The following RASGEF1A variants were observed in gnomAD, a reference collection of about 807,000 sequenced individuals.
The protein encoded by RASGEF1A is ras-GEF domain-containing family member 1A.
RASGEF1A carries 18 observed loss-of-function variants against 56.4 expected under a neutral mutation model. The ratio of observed to expected loss-of-function variants is 0.32; its 90% CI spans 0.22 to 0.47. The LOEUF (loss-of-function observed/expected upper bound fraction) is 0.47, where lower values mean the gene tolerates loss of function less well. RASGEF1A is among the 20% of genes least tolerant of loss of function. RASGEF1A has a pLI of 1.00. For missense variants in RASGEF1A, 422 were observed against 627.1 expected, an observed-to-expected ratio of 0.67 and a Z score of 3.49; for synonymous variants, 245 against 242.6, an observed-to-expected ratio of 1.01 and a Z score of -0.09.
chr10:43,213,172 A>G (rs1004433986), intron 1 of RASGEF1A, among the ~76,000 whole-genome samples: 1 of 152,078 alleles, frequency 6.6e-6, no homozygotes, highest in African/African-American at 2.4e-5. Context: ...GTTCCATAAC[A>G]GACTCAGGTG....
intron 1 of RASGEF1A, among the ~76,000 whole-genome samples, chr10:43,221,794 C>G (rs1020740809): frequency 6.6e-6 from 1 of 152,256 alleles, no homozygotes; most frequent in African/African-American, 2.4e-5. Flanking sequence ...GGGCCTCCCA[C>G]CTGCTGGGCC....
chr10:43,242,244 T>C (rs1840510301), intron 1 of RASGEF1A, among the ~76,000 whole-genome samples: 1 of 152,128 alleles, frequency 6.6e-6, no homozygotes, highest in South Asian at 2.1e-4. Flanking sequence ...GAAAATAGAC[T>C]TTAGGACAAA....
intron 1 of RASGEF1A, among the ~76,000 whole-genome samples, chr10:43,252,216 G>C (rs1840634255): frequency 6.6e-6 from 1 of 152,198 alleles, no homozygotes. Flanking sequence ...CCACCCACAT[G>C]GGTGTGCATA....
chr10:43,199,862 G>T, intron 6 of RASGEF1A, 94 bp from the exon 7 acceptor site: 1 of 1,023,828 alleles, frequency 9.8e-7, no homozygotes, highest in Non-Finnish European at 1.5e-6. Context: ...CTATGGCTCA[G>T]CCTGCACCGC....
Position 43,205,992 on chromosome 10 carries a change from T to C in RASGEF1A, c.125A>G (p.Asp42Gly), listed in dbSNP as rs1321935613. Residue 42 changes from aspartate to glycine, a missense_variant, in exon 2 of 13, where the codon GAT becomes GGT. By Grantham distance (94) the Asp-to-Gly change is moderately conservative. Around this residue, in one of 2 missense-constraint regions of RASGEF1A, gnomAD observed 273 missense variants for 339.9 expected, o/e 0.80. Transcript: ENST00000395810. The stretch of plus-strand genomic sequence containing the variant: ...CAGGGACCCAGAGATGAGGTGTCCA[T>C]CTTGGAAGATGAGGTCCCCGGAGCC... ...GGGSGDLIFQ[D>G]GHLISGSLEA... The C allele has an allele frequency of 2.5e-6, 4 of 1,612,942 alleles. No individual in the cohort carries two copies. The highest frequency in any genetic ancestry group is 3.4e-6 in the Non-Finnish European group (4 of 1,179,958).
intron 1 of RASGEF1A, among the ~76,000 whole-genome samples, chr10:43,231,935 C>G (rs1229420977): frequency 3.3e-5 from 5 of 152,218 alleles, no homozygotes; most frequent in Admixed American, 1.3e-4. Context: ...TCAGGGAGAC[C>G]AGACACACAG....
In RASGEF1A at chr10:43,196,957, G is replaced by A. The variant is rs142993027; in HGVS notation, c.1348+19C>T. The A allele has an allele frequency of 5.6e-5, 91 of 1,611,818 alleles. No homozygotes were observed. Among genetic ancestry groups the A allele is most frequent in the Non-Finnish European group, 6.8e-5 (80 of 1,179,538 alleles). On this transcript the variant is annotated intron_variant, in intron 11 of 12. Coordinates refer to ENST00000395810, the MANE Select transcript of RASGEF1A (RefSeq NM_145313.4). This position sits in a 1 kb window ranked among gnomAD's most constrained non-coding sequence, Gnocchi z 4.6. Reference sequence around the variant, plus strand: ...TCAGGTGGGGTGGGAGGCATGCTGCGTTGGGAGGCAGCCCTCACCTTCCTC... The same window carrying A: ...TCAGGTGGGGTGGGAGGCATGCTGCATTGGGAGGCAGCCCTCACCTTCCTC...
At chr10:43,214,722 T>A (rs747834587) in intron 1 of RASGEF1A, among the ~76,000 whole-genome samples, 11 of 152,210 alleles carry the variant, frequency 7.2e-5, no homozygotes, top group Non-Finnish European at 1.5e-4. Context: ...CCCTTCTGGA[T>A]CCTGGAGTCT....
chr10:43,219,198 C>G (rs1840175386), intron 1 of RASGEF1A, among the ~76,000 whole-genome samples: 1 of 152,242 alleles, frequency 6.6e-6, no homozygotes. Context: ...GCCTCGCTCC[C>G]TCTTCGGCCA....
intron 2 of RASGEF1A, 121 bp from the exon 3 acceptor site, chr10:43,203,541 G>A (rs1419959530): frequency 5.0e-6 from 7 of 1,389,852 alleles, no homozygotes; most frequent in Non-Finnish European, 5.7e-6. Flanking sequence ...CCGAGGCCAT[G>A]CCTTCACCTG....
chr10:43,239,956 G>A (rs1050116930), intron 1 of RASGEF1A, among the ~76,000 whole-genome samples: 2 of 152,066 alleles, frequency 1.3e-5, no homozygotes, highest in Non-Finnish European at 2.9e-5. Context: ...ATGATCATAG[G>A]GGTTTTGAAA....
intron 1 of RASGEF1A, chr10:43,208,771 G>C (rs1840029410): frequency 1.0e-6 from 1 of 985,576 alleles, no homozygotes; most frequent in Non-Finnish European, 1.2e-6. Flanking sequence ...CTCAAACCTA[G>C]CAGGGCCCAC....
intron 1 of RASGEF1A, among the ~76,000 whole-genome samples, chr10:43,221,988 T>C (rs1297481791): frequency 6.6e-6 from 1 of 152,232 alleles, no homozygotes; most frequent in Non-Finnish European, 1.5e-5. Context: ...GGATACCTCC[T>C]GAGAAATGCA....
intron 4 of RASGEF1A, 131 bp downstream of exon 4, chr10:43,201,677 G>A: frequency 9.7e-7 from 1 of 1,031,758 alleles, no homozygotes; most frequent in Middle Eastern, 3.5e-4. Context: ...AATGGGGCCA[G>A]CCAGCAACCC....
At chr10:43,229,737 AC>A (rs1840336191) in intron 1 of RASGEF1A, 2 of 1,378,292 alleles carry the variant, frequency 1.5e-6, no homozygotes, top group Non-Finnish European at 1.9e-6. Context: ...CCAAGCAAGC[AC>A]CCACTCCTGC....
chr10:43,202,097 C>A, intron 3 of RASGEF1A, 152 bp from the exon 4 acceptor site: 1 of 687,610 alleles, frequency 1.5e-6, no homozygotes, highest in Admixed American at 3.2e-5. Flanking sequence ...TTTGGCCAAA[C>A]CTGAACCGCC....
chr10:43,205,971 G>T lies in RASGEF1A; in HGVS notation c.146C>A (p.Ser49Tyr). 1 of 1,613,306 alleles carries T rather than the reference G, an allele frequency of 6.2e-7. No individual in the cohort carries two copies. Reference protein sequence around the residue: ...IFQDGHLISGSLEALMEHLVP... With the variant: ...IFQDGHLISGYLEALMEHLVP... ...AAGGTGCTCCATCAGGGCCTCCAGGGACCCAGAGATGAGGTGTCCATCTTG... is the reference window on the plus strand; with the variant it reads ...AAGGTGCTCCATCAGGGCCTCCAGGTACCCAGAGATGAGGTGTCCATCTTG... Residue 49 changes from serine (S) to tyrosine (Y), a missense_variant, in exon 2 of 13, where the codon TCC (serine) becomes TAC (tyrosine). This residue lies in a region of RASGEF1A where 273 missense variants were observed against 339.9 expected (regional missense o/e 0.80). Transcript: ENST00000395810.
rs542466363 is a variant in RASGEF1A, at chr10:43,196,224, C to T, written c.*20G>A. Reference sequence around the variant, plus strand: ...CAGTTAGTGCACGTGCTTCCTCTGGCGTCGCGGGCTGCATCCGCCTCAGGC... The same window carrying T: ...CAGTTAGTGCACGTGCTTCCTCTGGTGTCGCGGGCTGCATCCGCCTCAGGC... On this transcript the variant is annotated 3_prime_UTR_variant, in exon 13 of 13. Coordinates refer to ENST00000395810, the MANE Select transcript of RASGEF1A (RefSeq NM_145313.4). The surrounding 1 kb of genome is among the most constrained non-coding windows in gnomAD (Gnocchi z 4.6). 1.5e-5 allele frequency: 24 copies of T among 1,611,838 alleles called. No individual in the cohort carries two copies. The highest frequency in any genetic ancestry group is 1.6e-4 in the Middle Eastern group (1 of 6,070).
chr10:43,222,544 G>A (rs1840222122), intron 1 of RASGEF1A, among the ~76,000 whole-genome samples: 1 of 152,244 alleles, frequency 6.6e-6, no homozygotes, highest in Non-Finnish European at 1.5e-5. Context: ...GCGTAGGCAA[G>A]CAGGTGGAGG....
Sources: gnomAD v4.1 joint callset for allele counts (sites outside exome capture counted in the v4.1 genomes callset) on GRCh38, gnomAD v4.1.1 for gene constraint, gnomAD v4.1.1 regional missense constraint, Gnocchi (gnomAD v3.1) non-coding constraint, MANE v1.5 for transcripts, NCBI Gene and HGNC (gene_info 2026-07-23, HGNC 2026-07-21) for gene names.